WDR70: variants seen among roughly 807,000 people sequenced by gnomAD.
WDR70 encodes WD repeat domain 70, also known as WD repeat-containing protein 70.
In WDR70, 53 loss-of-function variants were observed where a neutral mutation model predicts 88.6. The ratio of observed to expected loss-of-function variants is 0.60; its 90% CI spans 0.48 to 0.75. WDR70 has a LOEUF of 0.75. Ranked by LOEUF, WDR70 falls within the 30% of genes least tolerant of loss-of-function variation. WDR70 has a pLI of 0.00. For synonymous variants in WDR70, 280 were observed against 270.0 expected (o/e 1.04, Z -0.36); for missense variants, 610 against 823.2 (o/e 0.74, Z 3.17).
intron 4 of WDR70, among the ~76,000 whole-genome samples, chr5:37,393,240 C>T (rs768330705): frequency 9.2e-5 from 14 of 151,962 alleles, no homozygotes; most frequent in Non-Finnish European, 1.9e-4. Context: ...CTGGGTTTCA[C>T]CATGTTGGCC....
At chr5:37,488,095 T>C (rs12521993) in intron 8 of WDR70, among the ~76,000 whole-genome samples, 56,564 of 142,912 alleles carry the variant, frequency 0.4, 12,955 homozygotes, top group Non-Finnish European at 0.52. Flanking sequence ...TTTTTTTTTT[T>C]CCTTTCAGCA....
intron 10 of WDR70, among the ~76,000 whole-genome samples, chr5:37,695,035 T>C (rs1219450712): frequency 2.6e-5 from 4 of 152,154 alleles, no homozygotes; most frequent in Non-Finnish European, 4.4e-5. Flanking sequence ...ATTTGGCTCA[T>C]GGTTCTGCAG....
chr5:37,506,491 T>C, intron 8 of WDR70: 1 of 769,428 alleles, frequency 1.3e-6, no homozygotes, highest in South Asian at 1.3e-5. Flanking sequence ...CAGACACCTC[T>C]GTTCTTAAGC....
chr5:37,650,074 G>T (rs1745356100), intron 10 of WDR70, among the ~76,000 whole-genome samples: 1 of 149,568 alleles, frequency 6.7e-6, no homozygotes, highest in African/African-American at 2.5e-5. Flanking sequence ...GGCAGATCAG[G>T]GGTTGTAGAA....
intron 7 of WDR70, among the ~76,000 whole-genome samples, chr5:37,451,588 A>G (rs1738676808): frequency 6.6e-6 from 1 of 151,330 alleles, no homozygotes; most frequent in African/African-American, 2.4e-5. Context: ...GTGCACACAA[A>G]CTACCACAAT....
intron 7 of WDR70, among the ~76,000 whole-genome samples, chr5:37,460,866 T>C (rs953199820): frequency 3.3e-5 from 5 of 151,960 alleles, no homozygotes; most frequent in African/African-American, 4.8e-5. Flanking sequence ...TGTTATAGTT[T>C]CTCAGTGTAT....
intron 9 of WDR70, among the ~76,000 whole-genome samples, chr5:37,558,515 A>G (rs1316897767): frequency 6.6e-6 from 1 of 151,648 alleles, no homozygotes; most frequent in Non-Finnish European, 1.5e-5. Context: ...TTTTAGAGAT[A>G]GGGTTTTGCC....
chr5:37,552,059 A>T (rs960360413), intron 9 of WDR70, among the ~76,000 whole-genome samples: 2 of 152,074 alleles, frequency 1.3e-5, no homozygotes, highest in African/African-American at 4.8e-5. Flanking sequence ...GGCATGAGCT[A>T]CTGCACCCAG....
Position 37,481,224 on chromosome 5 carries a change from C to T in WDR70, c.840+1237C>T, listed in dbSNP as rs555084591. ...ATTCTGGGGTCTGGAGGATGGTGGC[C>T]GTTTTCTCACAGCTCTGCTTGGCAG... On this transcript the variant is annotated intron_variant, in intron 8 of 17. Transcript: ENST00000265107. Among the ~76,000 whole-genome samples, 9 of 152,228 alleles carry T rather than the reference C, an allele frequency of 5.9e-5. No individual in the cohort carries two copies. In the South Asian group the frequency reaches 8.3e-4, roughly 14 times the overall value.
intron 10 of WDR70, among the ~76,000 whole-genome samples, chr5:37,651,582 T>G (rs1745410424): frequency 1.3e-5 from 2 of 152,224 alleles, no homozygotes; most frequent in African/African-American, 4.8e-5. Flanking sequence ...CTCCCAACAG[T>G]GTAAAAGTGT....
chr5:37,578,610 A>G (rs1205714236), intron 9 of WDR70, among the ~76,000 whole-genome samples: 4 of 152,232 alleles, frequency 2.6e-5, no homozygotes, highest in Admixed American at 6.5e-5. Flanking sequence ...TTTAATGATT[A>G]AGGCACAATA....
At chr5:37,596,857 T>G (rs550757873) in intron 9 of WDR70, among the ~76,000 whole-genome samples, 1 of 152,296 alleles carries the variant, frequency 6.6e-6, no homozygotes, top group East Asian at 1.9e-4. Flanking sequence ...TGCCTCTTTA[T>G]AGAAACCCCT....
At chr5:37,659,548 TC>T (rs781309727) in intron 10 of WDR70, among the ~76,000 whole-genome samples, 2 of 152,232 alleles carry the variant, frequency 1.3e-5, no homozygotes, top group African/African-American at 4.8e-5. Context: ...TAAATTCTTC[TC>T]TAAACACTGC....
chr5:37,415,500 T>TG lies in WDR70; in HGVS notation c.492+18938dup, dbSNP rs1216460546. Among the ~76,000 whole-genome samples, 6 of 44,102 alleles carry TG rather than the reference T, an allele frequency of 1.4e-4. 1 individual carries two copies. Among genetic ancestry groups the TG allele is most frequent in the Non-Finnish European group, 2.0e-4 (5 of 24,698 alleles). The allele number at this position is 44,102 out of a possible 152,430, so 28.9% of individuals were successfully genotyped here. On this transcript the variant is annotated intron_variant, in intron 5 of 17. Transcript: ENST00000265107. ...CCCTCCCGGAAGGGGCGGCTGGGGG[T>TG]GGGGGGGGCCTGACCCCCCCACCTC...
intron 9 of WDR70, among the ~76,000 whole-genome samples, chr5:37,548,895 G>T (rs1581384876): frequency 6.6e-6 from 1 of 152,172 alleles, no homozygotes; most frequent in Non-Finnish European, 1.5e-5. Context: ...TTATTGAAGA[G>T]ACTGTCTTTT....
intron 17 of WDR70, among the ~76,000 whole-genome samples, chr5:37,744,351 CA>C (rs1748579342): frequency 6.6e-6 from 1 of 151,814 alleles, no homozygotes; most frequent in Non-Finnish European, 1.5e-5. Context: ...TGAAAACCCA[CA>C]AGGCCAGAGT....
intron 9 of WDR70, among the ~76,000 whole-genome samples, chr5:37,587,463 C>G (rs1743394235): frequency 6.6e-6 from 1 of 151,902 alleles, no homozygotes; most frequent in Non-Finnish European, 1.5e-5. Context: ...CATCTCTAGT[C>G]TGTAAATTTC....
intron 10 of WDR70, among the ~76,000 whole-genome samples, chr5:37,675,659 A>C (rs545471152): frequency 1.3e-5 from 2 of 152,150 alleles, no homozygotes; most frequent in Non-Finnish European, 2.9e-5. Flanking sequence ...GTTTGAAGTC[A>C]GGTAGCGTGA....
intron 17 of WDR70, among the ~76,000 whole-genome samples, chr5:37,739,019 C>G (rs1161081407): frequency 2.0e-5 from 3 of 152,208 alleles, no homozygotes; most frequent in Admixed American, 1.3e-4. Context: ...CTAATCTGCT[C>G]TCCTTTTCTT....
Sources: gnomAD v4.1 joint callset for allele counts (sites outside exome capture counted in the v4.1 genomes callset) on GRCh38, gnomAD v4.1.1 for gene constraint, MANE v1.5 for transcripts, NCBI Gene and HGNC (gene_info 2026-07-23, HGNC 2026-07-21) for gene names.